Variants in PJA2 observed in about 807,000 individuals in gnomAD.
PJA2 encodes the protein E3 ubiquitin-protein ligase Praja-2.
PJA2 carries 25 observed loss-of-function variants against 69.3 expected under a neutral mutation model. The ratio of observed to expected loss-of-function variants is 0.36; its 90% confidence interval spans 0.26 to 0.50. The LOEUF is 0.50. Ranked by LOEUF, PJA2 falls within the 20% of genes least tolerant of loss-of-function variation. The pLI is 0.96. For synonymous variants in PJA2, 308 were observed against 277.8 expected (o/e 1.11, Z -1.08); for missense variants, 809 against 830.2 (o/e 0.97, Z 0.31).
chr5:109,396,915 G>C (rs1050038977), intron 1 of PJA2, among the ~76,000 whole-genome samples: 5 of 152,098 alleles, frequency 3.3e-5, no homozygotes, highest in Non-Finnish European at 7.4e-5. Context: ...AGACATATAA[G>C]AAAATTTAGT....
chr5:109,343,665 T>C (rs1250601829), intron 9 of PJA2, among the ~76,000 whole-genome samples: 1 of 152,246 alleles, frequency 6.6e-6, no homozygotes, highest in Non-Finnish European at 1.5e-5. Flanking sequence ...GTTATTATTG[T>C]CTATATTTTT....
intron 5 of PJA2, among the ~76,000 whole-genome samples, chr5:109,367,584 A>G (rs1223132054): frequency 1.3e-5 from 2 of 152,210 alleles, no homozygotes; most frequent in East Asian, 3.8e-4. Context: ...AAGGACAAAA[A>G]AAGAAAAAGA....
chr5:109,369,177 T>C (rs535385211), intron 4 of PJA2, among the ~76,000 whole-genome samples: 44 of 152,266 alleles, frequency 2.9e-4, no homozygotes, highest in African/African-American at 1.0e-3. Context: ...CTCTTTTCTT[T>C]ATAAATTACC....
Position 109,383,341 on chromosome 5 carries a change from A to C in PJA2, c.31+62T>G, listed in dbSNP as rs140102225. ...AGATGATCATATGTCACTTACTGGT[A>C]CTCAAGGTACCCAGAGGAAAAAACA... On this transcript the variant is annotated intron_variant, in intron 2 of 9. Transcript: ENST00000361189. 233 of 1,456,214 alleles carry C rather than the reference A, an allele frequency of 1.6e-4. 7 individuals carry two copies. The East Asian group carries it at 5.1e-3, about 32-fold the overall frequency. The allele number at this position is 1,456,214 out of a possible 1,614,324, so 90.2% of individuals were successfully genotyped here.
intron 6 of PJA2, among the ~76,000 whole-genome samples, chr5:109,356,981 A>T (rs78989871): frequency 0.03 from 4,639 of 152,272 alleles, 96 homozygotes; most frequent in Middle Eastern, 0.048. Context: ...TATTTCAAAA[A>T]TTGAAAACCG....
intron 7 of PJA2, among the ~76,000 whole-genome samples, chr5:109,353,349 G>C (rs977818300): frequency 7.4e-6 from 1 of 135,084 alleles, no homozygotes; most frequent in East Asian, 2.2e-4. Flanking sequence ...TAATATCATA[G>C]ACATCTATAT....
chr5:109,347,806 G>A (rs185815755), intron 7 of PJA2, among the ~76,000 whole-genome samples: 5 of 152,312 alleles, frequency 3.3e-5, no homozygotes, highest in East Asian at 3.9e-4. Context: ...ATTCTTTAGA[G>A]TTTGCTTTAC....
intron 9 of PJA2, among the ~76,000 whole-genome samples, chr5:109,343,858 G>A (rs1355003886): frequency 1.3e-5 from 2 of 152,172 alleles, no homozygotes; most frequent in African/African-American, 2.4e-5. Context: ...CACTTTGGGA[G>A]GCTGAGGCAG....
rs1050540227 is a variant in PJA2 at position 109,336,535 on chromosome 5, C to T, written c.*696G>A. 3 of 152,020 alleles carry T rather than the reference C, an allele frequency of 2.0e-5. No homozygotes were observed. Among genetic ancestry groups the T allele is most frequent in the African/African-American group, 4.8e-5 (2 of 41,372 alleles). 9.4% of individuals were successfully genotyped at this position (152,020 alleles called of 1,614,324 possible). On this transcript the variant is annotated 3_prime_UTR_variant, in exon 10 of 10. Coordinates refer to ENST00000361189, the MANE Select transcript of PJA2 (RefSeq NM_014819.5). Reference sequence around the variant, plus strand: ...AGCTCATTGTACCAAGCCCTGAGCACACTAGATTCTTTGTATGCTTTACTA... The same window carrying T: ...AGCTCATTGTACCAAGCCCTGAGCATACTAGATTCTTTGTATGCTTTACTA...
intron 1 of PJA2, among the ~76,000 whole-genome samples, chr5:109,386,055 C>T (rs1368345242): frequency 1.3e-5 from 2 of 151,926 alleles, no homozygotes; most frequent in African/African-American, 4.8e-5. Flanking sequence ...GTTGCTCACA[C>T]CTGTAATCCC....
chr5:109,394,559 A>G (rs1335064854), intron 1 of PJA2, among the ~76,000 whole-genome samples: 1 of 152,132 alleles, frequency 6.6e-6, no homozygotes, highest in Non-Finnish European at 1.5e-5. Flanking sequence ...TTTCTTTCAC[A>G]CACTTGTGCT....
chr5:109,369,948 C>T (rs1325415516), intron 4 of PJA2, among the ~76,000 whole-genome samples: 2 of 147,970 alleles, frequency 1.4e-5, no homozygotes, highest in Non-Finnish European at 3.0e-5. Context: ...AGGAGTTCAG[C>T]TTGAACTTGG....
At position 109,337,313 on chromosome 5, in the gene PJA2, A is replaced by G; in HGVS notation, c.2045T>C (p.Val682Ala). The part of the protein sequence containing the change: ...PVCRRHFPPA[V>A]IEASAAPSSE... ...GGAAGGAGCTGCAGATGCTTCAATA[A>G]CCGCAGGTGGGAAATGACGGCGGCA... The change falls in exon 10 of 10, where the codon GTT (valine) becomes GCT (alanine). Residue 682 changes from valine (V) to alanine (A), a missense_variant. Transcript: ENST00000361189. 1 of 1,613,428 alleles carries G rather than the reference A, an allele frequency of 6.2e-7. No individual in the cohort carries two copies. Among genetic ancestry groups the G allele is most frequent in the Non-Finnish European group, 8.5e-7 (1 of 1,179,770 alleles).
chr5:109,378,817 A>C lies in PJA2; in HGVS notation c.670T>G (p.Cys224Gly). ...TCTTCAAACTCATCTCTTACTTCAC[A>C]GTTAAATGAGGGAACTGGTGGTGAA... The part of the protein sequence containing the change: ...GLSPPVPSFN[C>G]EVRDEFEELD... Residue 224 changes from cysteine (C) to glycine (G), a missense_variant, in exon 4 of 10, where the codon TGT becomes GGT. By Grantham distance (159) the Cys-to-Gly change is radical. This residue lies in a region of PJA2 where 700 missense variants were observed against 639.5 expected (regional missense o/e 1.09). Transcript: ENST00000361189. 6.2e-7 allele frequency: 1 copy of C among 1,613,592 alleles called. No individual in the cohort carries two copies. The highest frequency in any genetic ancestry group is 8.5e-7 in the Non-Finnish European group (1 of 1,180,016).
rs1407475879 is a variant in PJA2, at chr5:109,381,504, T to C, written c.231A>G (p.Ser77=). The C allele has an allele frequency of 3.7e-6, 6 of 1,613,328 alleles. No homozygotes were observed. Among genetic ancestry groups the C allele is most frequent in the Non-Finnish European group, 4.2e-6 (5 of 1,179,564 alleles). ...TTTAAATAATTAAATGTTACACACC[T>C]GAGGAATTTTCCTTTGGAACATCAT... ...ELDDVPKENS[S]GSSPLDQVDS... The change falls in exon 3 of 10, where the codon TCA becomes TCG. Residue 77 remains serine (S), a splice_region_variant and synonymous_variant. Coordinates refer to ENST00000361189, the MANE Select transcript of PJA2 (RefSeq NM_014819.5).
rs944417886 is a variant in PJA2, at chr5:109,334,816, G to A, written c.*2415C>T. 9 of 152,470 alleles carry A rather than the reference G, an allele frequency of 5.9e-5. No individual in the cohort carries two copies. The highest frequency in any genetic ancestry group is 2.2e-4 in the African/African-American group (9 of 41,382). The allele number at this position is 152,470 out of a possible 1,614,324, so 9.4% of individuals were successfully genotyped here. A position where few individuals can be genotyped will look rare whatever the true frequency, so the allele number is the denominator to read the frequency against. The stretch of plus-strand genomic sequence containing the variant: ...AACCAACCATTACATTTAGACCTGG[G>A]CTTTTGAAAAACTTGCATTCCATTT... On this transcript the variant is annotated 3_prime_UTR_variant, in exon 10 of 10. Transcript: ENST00000361189.
At chr5:109,403,404 C>G (rs1033060614) in intron 1 of PJA2, among the ~76,000 whole-genome samples, 7 of 151,978 alleles carry the variant, frequency 4.6e-5, no homozygotes, top group Non-Finnish European at 8.8e-5. Context: ...AAAGAAAACT[C>G]TAGGACCAGA....
At chr5:109,397,514 A>C (rs1428680529) in intron 1 of PJA2, among the ~76,000 whole-genome samples, 1 of 151,544 alleles carries the variant, frequency 6.6e-6, no homozygotes, top group Non-Finnish European at 1.5e-5. Context: ...AAAAGCAACA[A>C]CTTTATTTTT....
chr5:109,386,357 C>T (rs948454043), intron 1 of PJA2, among the ~76,000 whole-genome samples: 3 of 152,028 alleles, frequency 2.0e-5, no homozygotes, highest in African/African-American at 7.2e-5. Context: ...TGGCGAATGG[C>T]GGCACCTTTG....
Sources: allele counts gnomAD v4.1 joint callset (sites outside exome capture counted in the v4.1 genomes callset), GRCh38; gene constraint gnomAD v4.1.1; regional missense constraint gnomAD v4.1.1; transcripts MANE v1.5; gene names NCBI Gene and HGNC (gene_info 2026-07-23, HGNC 2026-07-21).